The following OR2L13 variants were observed in gnomAD, a reference collection of about 807,000 sequenced individuals.
OR2L13 encodes olfactory receptor 2L13.
OR2L13 carries 14 observed loss-of-function variants against 15.3 expected under a neutral mutation model. The ratio of observed to expected loss-of-function variants is 0.91; its 90% confidence interval spans 0.60 to 1.43. OR2L13 has a LOEUF of 1.43. OR2L13 is among the 40% of genes most tolerant of loss of function. The pLI is 0.00. For synonymous variants in OR2L13, 152 were observed against 142.9 expected, an observed-to-expected ratio of 1.06 and a Z score of -0.45; for missense variants, 367 against 387.9, an observed-to-expected ratio of 0.95 and a Z score of 0.45.
chr1:247,948,628 C>T, the OR2L13 span, among the ~76,000 whole-genome samples: 2 of 152,140 alleles, frequency 1.3e-5, no homozygotes, highest in Admixed American at 1.3e-4. Flanking sequence ...TATAATTGTT[C>T]TATTTTATTA....
At chr1:247,948,710 A>G in the OR2L13 span, 1 of 627,846 alleles carries the variant, frequency 1.6e-6, no homozygotes. Flanking sequence ...GTATAGACAA[A>G]AATAATAGTG....
chr1:247,984,347 T>G, the OR2L13 span, among the ~76,000 whole-genome samples: 101,112 of 151,834 alleles, frequency 0.67, 39,578 homozygotes, highest in South Asian at 0.86. Flanking sequence ...TTTCTCTTTT[T>G]AAAGTTAGGA....
the OR2L13 span, among the ~76,000 whole-genome samples, chr1:248,068,440 G>C: frequency 6.6e-6 from 1 of 152,176 alleles, no homozygotes; most frequent in African/African-American, 2.4e-5. Context: ...TGAGGGTCCT[G>C]TCTGTTAGAA....
At chr1:247,998,182 G>C in the OR2L13 span, among the ~76,000 whole-genome samples, 5 of 152,122 alleles carry the variant, frequency 3.3e-5, no homozygotes, top group African/African-American at 1.2e-4. Context: ...TAGAATTGAG[G>C]TGAATTTCAG....
chr1:247,982,605 G>A, the OR2L13 span, among the ~76,000 whole-genome samples: 1 of 152,134 alleles, frequency 6.6e-6, no homozygotes, highest in African/African-American at 2.4e-5. Flanking sequence ...TATTAAATGT[G>A]TATTTTTTAG....
At chr1:247,990,800 G>A in the OR2L13 span, 7,616 of 1,602,036 alleles carry the variant, frequency 4.8e-3, 26 homozygotes, top group Non-Finnish European at 5.9e-3. Flanking sequence ...CATTTTTTCT[G>A]TGATGTTCCA....
the OR2L13 span, chr1:247,948,781 C>A: frequency 1.6e-6 from 2 of 1,213,304 alleles, no homozygotes; most frequent in Non-Finnish European, 2.3e-6. Flanking sequence ...TGGAATGCAT[C>A]CCCTGCAGAT....
the OR2L13 span, chr1:248,060,850 C>A: frequency 2.5e-6 from 4 of 1,613,968 alleles, no homozygotes; most frequent in Non-Finnish European, 3.4e-6. Context: ...TCTCCACACA[C>A]CCATGTATTT....
chr1:248,070,722 C>T, the OR2L13 span, among the ~76,000 whole-genome samples: 1 of 151,936 alleles, frequency 6.6e-6, no homozygotes, highest in African/African-American at 2.4e-5. Context: ...AATTGATAGA[C>T]CACTAGCAAG....
chr1:248,063,064 C>T, the OR2L13 span: 1 of 152,126 alleles, frequency 6.6e-6, no homozygotes, highest in East Asian at 1.9e-4. Flanking sequence ...TTCTACAGTG[C>T]TTTGACTATT....
the OR2L13 span, among the ~76,000 whole-genome samples, chr1:247,976,908 C>G: frequency 1.3e-5 from 2 of 152,144 alleles, no homozygotes; most frequent in Non-Finnish European, 2.9e-5. Flanking sequence ...GTTCTCTATC[C>G]TCACAAGTTT....
the OR2L13 span, among the ~76,000 whole-genome samples, chr1:248,027,601 C>T: frequency 1.3e-5 from 2 of 152,154 alleles, no homozygotes; most frequent in Non-Finnish European, 2.9e-5. Context: ...CTTTATTTCT[C>T]AGACCAGCGG....
chr1:248,014,780 T>C, the OR2L13 span, among the ~76,000 whole-genome samples: 1 of 152,136 alleles, frequency 6.6e-6, no homozygotes, highest in Non-Finnish European at 1.5e-5. Flanking sequence ...TAATAACCCA[T>C]GGATTATTCC....
chr1:248,015,767 T>C, the OR2L13 span, among the ~76,000 whole-genome samples: 2 of 152,188 alleles, frequency 1.3e-5, no homozygotes, highest in African/African-American at 2.4e-5. Context: ...TTATCTCCCT[T>C]CCTATTTTTT....
chr1:248,002,912 T>G, the OR2L13 span, among the ~76,000 whole-genome samples: 1 of 152,214 alleles, frequency 6.6e-6, no homozygotes, highest in East Asian at 1.9e-4. Context: ...TGGAACTGTT[T>G]CAGAAGAAAT....
At chr1:247,966,424 ACAGTGTTTAT>A in the OR2L13 span, 1 of 1,307,700 alleles carries the variant, frequency 7.6e-7, no homozygotes, top group Non-Finnish European at 1.0e-6. Context: ...AGTCACAAAA[ACAGTGTTTAT>A]CAATCTTGTT....
At chr1:247,998,359 A>C in the OR2L13 span, among the ~76,000 whole-genome samples, 1 of 152,134 alleles carries the variant, frequency 6.6e-6, no homozygotes, top group Non-Finnish European at 1.5e-5. Flanking sequence ...CTTTTATAGG[A>C]TCCAGTGAAA....
the OR2L13 span, among the ~76,000 whole-genome samples, chr1:248,067,797 C>T: frequency 2.6e-5 from 4 of 152,254 alleles, no homozygotes; most frequent in Non-Finnish European, 5.9e-5. Flanking sequence ...CACCCGAATA[C>T]TGCGCTTTTC....
At chr1:248,003,633 G>T in the OR2L13 span, 154 of 1,611,514 alleles carry the variant, frequency 9.6e-5, 1 homozygote, top group Non-Finnish European at 1.3e-4. Context: ...ATTCCTTATT[G>T]CCCATCTAGG....
Sources: gnomAD v4.1 joint callset for allele counts (sites outside exome capture counted in the v4.1 genomes callset) on GRCh38, gnomAD v4.1.1 for gene constraint, MANE v1.5 for transcripts, NCBI Gene and HGNC (gene_info 2026-07-23, HGNC 2026-07-21) for gene names.